The following ERC1 variants were observed in gnomAD, a reference collection of about 807,000 sequenced individuals.
ERC1 encodes ELKS/RAB6-interacting/CAST family member 1, also known as RAB6 interacting protein 2.
Under a neutral mutation model 132.0 loss-of-function variants are expected in ERC1, and 56 were observed. The ratio of observed to expected loss-of-function variants is 0.42; its 90% CI spans 0.34 to 0.53. The LOEUF is 0.53. Ranked by LOEUF, ERC1 falls within the 20% of genes least tolerant of loss-of-function variation. The probability of loss-of-function intolerance (pLI) is 0.03; values close to 1 mark genes in which losing one functional copy is unlikely to be tolerated. For synonymous variants in ERC1, 478 were observed against 476.1 expected, an observed-to-expected ratio of 1.00 and a Z score of -0.05; for missense variants, 1,202 against 1,349.9, an observed-to-expected ratio of 0.89 and a Z score of 1.72.
chr12:1,138,113 ATATT>A (rs1409242425), intron 7 of ERC1, among the ~76,000 whole-genome samples: 5 of 116,218 alleles, frequency 4.3e-5, no homozygotes, highest in African/African-American at 1.1e-4. Flanking sequence ...TAATATAATT[ATATT>A]TAATACATAT....
At chr12:1,375,197 G>A (rs966512702) in intron 16 of ERC1, among the ~76,000 whole-genome samples, 1 of 152,172 alleles carries the variant, frequency 6.6e-6, no homozygotes, top group Non-Finnish European at 1.5e-5. Context: ...CCACATGGCT[G>A]GGGAGGCCTC....
intron 8 of ERC1, among the ~76,000 whole-genome samples, chr12:1,162,383 G>T (rs766321265): frequency 1.2e-4 from 19 of 152,256 alleles, no homozygotes; most frequent in Middle Eastern, 3.4e-3. Flanking sequence ...TGATAATGTA[G>T]CTTGGAGTTT....
chr12:1,184,439 G>T (rs551070887), intron 11 of ERC1, among the ~76,000 whole-genome samples: 1 of 152,166 alleles, frequency 6.6e-6, no homozygotes, highest in Admixed American at 6.5e-5. Context: ...AGATTTACAT[G>T]AAGGACTATT....
intron 2 of ERC1, among the ~76,000 whole-genome samples, chr12:1,065,288 A>G (rs967170594): frequency 9.2e-5 from 14 of 152,308 alleles, no homozygotes; most frequent in Non-Finnish European, 1.3e-4. Context: ...GGTGTGAGCC[A>G]CCGCGCCCAG....
At chr12:1,067,874 G>C (rs947894122) in intron 2 of ERC1, among the ~76,000 whole-genome samples, 1 of 150,078 alleles carries the variant, frequency 6.7e-6, no homozygotes, top group Non-Finnish European at 1.5e-5. Context: ...ACAAAACTGT[G>C]TGTGTGTCCA....
chr12:1,210,292 C>T (rs930149082), intron 12 of ERC1, among the ~76,000 whole-genome samples: 1 of 152,182 alleles, frequency 6.6e-6, no homozygotes, highest in Non-Finnish European at 1.5e-5. Context: ...AATCAGTGGC[C>T]TTCACTGGCA....
intron 17 of ERC1, among the ~76,000 whole-genome samples, chr12:1,422,444 T>G (rs941622926): frequency 6.6e-6 from 1 of 152,184 alleles, no homozygotes; most frequent in African/African-American, 2.4e-5. Flanking sequence ...TGAGAAAGTA[T>G]GGTATTTATC....
At chr12:1,397,999 G>A (rs1026377805) in intron 16 of ERC1, among the ~76,000 whole-genome samples, 1 of 151,956 alleles carries the variant, frequency 6.6e-6, no homozygotes, top group Non-Finnish European at 1.5e-5. Flanking sequence ...AAAATGCGAA[G>A]TTTTTTTTAG....
chr12:1,171,587 G>T (rs911265738), intron 8 of ERC1, among the ~76,000 whole-genome samples: 20 of 152,162 alleles, frequency 1.3e-4, no homozygotes, highest in Non-Finnish European at 2.9e-5. Context: ...AACCAAGAAA[G>T]TAAAGGTCAG....
At chr12:1,356,369 A>G (rs2085540133) in intron 15 of ERC1, among the ~76,000 whole-genome samples, 1 of 152,130 alleles carries the variant, frequency 6.6e-6, no homozygotes, top group East Asian at 1.9e-4. Flanking sequence ...AAAATATGCA[A>G]AAGTTTAAAA....
chr12:1,360,998 T>C (rs2086040417), intron 15 of ERC1, among the ~76,000 whole-genome samples: 1 of 150,802 alleles, frequency 6.6e-6, no homozygotes, highest in African/African-American at 2.4e-5. Context: ...GGGATGCTGA[T>C]GTGGGAGAAT....
chr12:1,370,754 C>CTT (rs2087130648), intron 15 of ERC1, among the ~76,000 whole-genome samples: 1 of 152,108 alleles, frequency 6.6e-6, no homozygotes, highest in South Asian at 2.1e-4. Flanking sequence ...TAGGGTCTCA[C>CTT]TTTGTCACCC....
chr12:1,483,841 C>T (rs1448427008), intron 18 of ERC1, among the ~76,000 whole-genome samples: 3 of 151,796 alleles, frequency 2.0e-5, no homozygotes, highest in Non-Finnish European at 4.4e-5. Context: ...CAGGCACTCA[C>T]CACCACATGT....
At chr12:1,381,234 C>T (rs754587453) in intron 16 of ERC1, 1 of 152,122 alleles carries the variant, frequency 6.6e-6, no homozygotes. Context: ...TTGTTTTATC[C>T]TAGAAAATGA....
chr12:1,349,754 T>TA (rs1449005005), intron 15 of ERC1, among the ~76,000 whole-genome samples: 1 of 151,938 alleles, frequency 6.6e-6, no homozygotes, highest in Non-Finnish European at 1.5e-5. Context: ...GTTGAGAACA[T>TA]AAAAGGATAG....
intron 14 of ERC1, among the ~76,000 whole-genome samples, chr12:1,289,026 C>CTT (rs565124554): frequency 8.6e-6 from 1 of 116,778 alleles, no homozygotes; most frequent in South Asian, 2.8e-4. Context: ...GCTGTCAAGG[C>CTT]TTTTTTTTTT....
intron 2 of ERC1, among the ~76,000 whole-genome samples, chr12:1,065,200 C>T (rs1365376120): frequency 6.6e-6 from 1 of 151,956 alleles, no homozygotes. Flanking sequence ...AGGGTTTCAC[C>T]ATGATGGCCA....
chr12:1,146,555 T>G (rs553461332), intron 8 of ERC1, among the ~76,000 whole-genome samples: 135 of 151,976 alleles, frequency 8.9e-4, no homozygotes, highest in Non-Finnish European at 1.8e-3. Flanking sequence ...TTTACTGATT[T>G]GGATGTCCGT....
chr12:1,373,893 C>T (rs1314138475), intron 16 of ERC1, among the ~76,000 whole-genome samples: 5 of 152,180 alleles, frequency 3.3e-5, no homozygotes. Flanking sequence ...AACCACATGC[C>T]TTGAATTTTC....
Sources: gnomAD v4.1 joint callset for allele counts (sites outside exome capture counted in the v4.1 genomes callset) on GRCh38, gnomAD v4.1.1 for gene constraint, MANE v1.5 for transcripts, NCBI Gene and HGNC (gene_info 2026-07-23, HGNC 2026-07-21) for gene names.